Variants in CPNE4 observed in about 807,000 individuals in gnomAD.
CPNE4 encodes the protein copine 4, also known as copine-4.
CPNE4 carries 25 observed loss-of-function variants against 67.9 expected under a neutral mutation model. The ratio of observed to expected loss-of-function variants is 0.37; its 90% confidence interval spans 0.27 to 0.51. The LOEUF (loss-of-function observed/expected upper bound fraction) is 0.51, where lower values mean the gene tolerates loss of function less well. Ranked by LOEUF, CPNE4 falls within the 20% of genes least tolerant of loss-of-function variation. The pLI is 0.93. For missense variants in CPNE4, 464 were observed against 690.8 expected (o/e 0.67, Z 3.68); for synonymous variants, 242 against 244.9 (o/e 0.99, Z 0.11).
chr3:131,621,537 T>A (rs1232702401), intron 7 of CPNE4, among the ~76,000 whole-genome samples: 1 of 152,124 alleles, frequency 6.6e-6, no homozygotes, highest in Non-Finnish European at 1.5e-5. Context: ...TGAGCCACCA[T>A]GCCCAGCCCT....
chr3:131,586,576 A>G (rs1938191667), intron 8 of CPNE4, among the ~76,000 whole-genome samples: 1 of 152,144 alleles, frequency 6.6e-6, no homozygotes, highest in African/African-American at 2.4e-5. Context: ...CCACACTTCT[A>G]TCTTGCTTTT....
intron 2 of CPNE4, among the ~76,000 whole-genome samples, chr3:131,791,925 G>T (rs931963244): frequency 6.6e-6 from 1 of 152,120 alleles, no homozygotes; most frequent in Non-Finnish European, 1.5e-5. Flanking sequence ...CTGGCATTAA[G>T]GCTGCTAGAA....
Position 131,978,048 on chromosome 3 carries a change from G to GATATATATAA in CPNE4, c.-2+56509_-2+56518dup, listed in dbSNP as rs201669940. 9.9e-4 allele frequency among the ~76,000 whole-genome samples: 76 copies of GATATATATAA among 76,594 alleles called. 4 individuals are homozygous for GATATATATAA. Among genetic ancestry groups the GATATATATAA allele is most frequent in the East Asian group, 5.6e-3 (15 of 2,678 alleles). The allele number at this position is 76,594 out of a possible 152,430, so 50.2% of individuals were successfully genotyped here. On this transcript the variant is annotated intron_variant, in intron 1 of 15. Transcript: ENST00000429747. ...TATGGCTGCATAGTATTCCATCATA[G>GATATATATAA]ATATATATAAATATATATAAATATA...
At chr3:132,009,518 C>A (rs1242073620) in intron 1 of CPNE4, among the ~76,000 whole-genome samples, 1 of 152,156 alleles carries the variant, frequency 6.6e-6, no homozygotes, top group Non-Finnish European at 1.5e-5. Context: ...AATACTTCCC[C>A]AGGAAGCTCC....
intron 1 of CPNE4, among the ~76,000 whole-genome samples, chr3:132,012,854 C>T (rs1201233968): frequency 1.3e-5 from 2 of 152,122 alleles, no homozygotes; most frequent in African/African-American, 2.4e-5. Flanking sequence ...CAGGTGGTCT[C>T]CTTTACATTT....
intron 2 of CPNE4, among the ~76,000 whole-genome samples, chr3:131,896,030 T>C (rs2088315929): frequency 6.6e-6 from 1 of 150,898 alleles, no homozygotes; most frequent in African/African-American, 2.5e-5. Flanking sequence ...CATGATAATT[T>C]TACTTCTAGG....
At chr3:131,784,777 T>G (rs765905880) in intron 2 of CPNE4, among the ~76,000 whole-genome samples, 1 of 152,142 alleles carries the variant, frequency 6.6e-6, no homozygotes, top group Non-Finnish European at 1.5e-5. Flanking sequence ...ATACCTATAT[T>G]CTAATATTTG....
At chr3:131,931,866 G>A (rs1447724252) in intron 1 of CPNE4, among the ~76,000 whole-genome samples, 1 of 152,076 alleles carries the variant, frequency 6.6e-6, no homozygotes, top group African/African-American at 2.4e-5. Flanking sequence ...AGTGCTATAA[G>A]GTACTCGCCA....
chr3:131,741,568 G>A (rs75859813), intron 2 of CPNE4, among the ~76,000 whole-genome samples: 5,876 of 152,080 alleles, frequency 0.039, 403 homozygotes, highest in African/African-American at 0.13. Flanking sequence ...CAAAAGTCAG[G>A]GAAATAAGTT....
At chr3:132,035,920 G>T (rs114137919), upstream of CPNE4, among the ~76,000 whole-genome samples, 1,438 of 152,134 alleles carry the variant, frequency 9.5e-3, 8 homozygotes, top group Non-Finnish European at 0.014. Flanking sequence ...CCTATTAAGG[G>T]GCTATCTAAC....
intron 7 of CPNE4, among the ~76,000 whole-genome samples, chr3:131,615,147 C>A (rs2107748087): frequency 6.6e-6 from 1 of 152,306 alleles, no homozygotes; most frequent in South Asian, 2.1e-4. Context: ...ATTCCTAGGA[C>A]CATGGTTTGA....
intron 2 of CPNE4, among the ~76,000 whole-genome samples, chr3:131,833,336 CA>C (rs1292566741): frequency 6.6e-6 from 1 of 152,166 alleles, no homozygotes; most frequent in African/African-American, 2.4e-5. Context: ...GATAATCTCT[CA>C]ATATCTACAG....
At chr3:132,006,530 A>G (rs1281706986) in intron 1 of CPNE4, among the ~76,000 whole-genome samples, 4 of 152,146 alleles carry the variant, frequency 2.6e-5, no homozygotes, top group Non-Finnish European at 5.9e-5. Flanking sequence ...GATGTTTCCA[A>G]ATCAGGTCTG....
At chr3:132,028,768 A>G (rs7612976) in intron 1 of CPNE4, among the ~76,000 whole-genome samples, 84,600 of 151,916 alleles carry the variant, frequency 0.56, 24,113 homozygotes, top group South Asian at 0.64. Context: ...AAATGTGGCA[A>G]ATCTGAATTA....
intron 2 of CPNE4, among the ~76,000 whole-genome samples, chr3:131,869,604 G>A (rs2087108779): frequency 1.3e-5 from 2 of 152,056 alleles, no homozygotes; most frequent in Admixed American, 6.6e-5. Context: ...AACATTTTTA[G>A]ATAAAATCAT....
intron 1 of CPNE4, among the ~76,000 whole-genome samples, chr3:131,985,000 C>T (rs73208131): frequency 0.076 from 11,558 of 152,214 alleles, 466 homozygotes; most frequent in East Asian, 0.14. Context: ...TGACAAATTA[C>T]CATAGACTGC....
At chr3:131,895,695 T>C (rs999999026) in intron 2 of CPNE4, among the ~76,000 whole-genome samples, 7 of 152,082 alleles carry the variant, frequency 4.6e-5, no homozygotes, top group Admixed American at 1.3e-4. Context: ...ATTTTATATG[T>C]AAATCATCTC....
In CPNE4 at chr3:132,019,760, G is replaced by C. The variant is rs189824670; in HGVS notation, c.-2+14807C>G. ...CCTCTGCTTTTTGTTTTTGAGTAAT[G>C]GTTCTCAAAAGTTCTAATAAGAATT... On this transcript the variant is annotated intron_variant, in intron 1 of 15. Transcript: ENST00000429747. Among the ~76,000 whole-genome samples the C allele has an allele frequency of 2.1e-3, 319 of 152,138 alleles. 1 individual carries two copies. Among genetic ancestry groups the C allele is most frequent in the African/African-American group, 3.3e-3 (135 of 41,522 alleles).
intron 2 of CPNE4, among the ~76,000 whole-genome samples, chr3:131,780,044 T>C (rs968843507): frequency 1.3e-4 from 19 of 151,922 alleles, no homozygotes; most frequent in African/African-American, 4.6e-4. Context: ...CTTCTCAAAA[T>C]AAAACATACA....
Sources: gnomAD v4.1 joint callset for allele counts (sites outside exome capture counted in the v4.1 genomes callset) on GRCh38, gnomAD v4.1.1 for gene constraint, MANE v1.5 for transcripts, NCBI Gene and HGNC (gene_info 2026-07-23, HGNC 2026-07-21) for gene names.